PDE1A: variants seen among roughly 807,000 people sequenced by gnomAD.
PDE1A encodes the protein phosphodiesterase 1A.
PDE1A carries 35 observed loss-of-function variants against 61.7 expected under a neutral mutation model. The observed-to-expected ratio is 0.57, with a 90% confidence interval of 0.43 to 0.75. The LOEUF is 0.75. PDE1A is among the 30% of genes least tolerant of loss of function. The pLI is 0.00. For synonymous variants in PDE1A, 232 were observed against 213.2 expected, an observed-to-expected ratio of 1.09 and a Z score of -0.77; for missense variants, 597 against 630.6, an observed-to-expected ratio of 0.95 and a Z score of 0.57.
At chr2:182,351,107 A>G (rs1004493204) in intron 1 of PDE1A, among the ~76,000 whole-genome samples, 1 of 152,216 alleles carries the variant, frequency 6.6e-6, no homozygotes, top group Non-Finnish European at 1.5e-5. Context: ...ATTTGAAGAA[A>G]AATGCTTTTG....
At position 182,338,210 on chromosome 2, in the gene PDE1A, G is replaced by A. The variant is rs1697964119; in HGVS notation, c.54-73796C>T. On this transcript the variant is annotated intron_variant, in intron 1 of 13. Coordinates refer to ENST00000351439, the Ensembl canonical transcript of PDE1A. ...ATGCTGGAGCTGGCAGCACCTACAT[G>A]TGAACCCTGACTCTAACACCCAGTA... Among the ~76,000 whole-genome samples, 4 of 152,174 alleles carry A rather than the reference G, an allele frequency of 2.6e-5. No homozygotes were observed. The South Asian group carries it at 8.3e-4, about 31-fold the overall frequency.
chr2:182,375,405 A>G (rs1321703526), intron 1 of PDE1A, among the ~76,000 whole-genome samples: 1 of 152,200 alleles, frequency 6.6e-6, no homozygotes, highest in African/African-American at 2.4e-5. Flanking sequence ...AAATTGATGA[A>G]AATCTGAAAT....
At chr2:182,516,035 GTTC>G (rs1201164531) in intron 2 of PDE1A, among the ~76,000 whole-genome samples, 1 of 150,824 alleles carries the variant, frequency 6.6e-6, no homozygotes, top group East Asian at 1.9e-4. Flanking sequence ...ATGTTGATGT[GTTC>G]TTCTGGTATA....
intron 1 of PDE1A, among the ~76,000 whole-genome samples, chr2:182,300,170 A>G (rs1695148768): frequency 6.6e-6 from 1 of 152,140 alleles, no homozygotes; most frequent in African/African-American, 2.4e-5. Context: ...GTTCTGCCCC[A>G]TTTTGGACTA....
chr2:182,695,934 T>C, the PDE1A span, among the ~76,000 whole-genome samples: 1 of 152,174 alleles, frequency 6.6e-6, no homozygotes, highest in Non-Finnish European at 1.5e-5. Flanking sequence ...CCTATCAGAA[T>C]GGCCAAAATC....
intron 13 of PDE1A, among the ~76,000 whole-genome samples, chr2:182,172,772 A>G (rs1692351314): frequency 6.6e-6 from 1 of 152,098 alleles, no homozygotes; most frequent in Admixed American, 6.6e-5. Flanking sequence ...TTTAATAAGC[A>G]GAATGGAGGA....
At chr2:182,681,987 A>G in the PDE1A span, among the ~76,000 whole-genome samples, 1 of 152,182 alleles carries the variant, frequency 6.6e-6, no homozygotes, top group African/African-American at 2.4e-5. Flanking sequence ...TTCTCAACAC[A>G]GTTTGGTCTT....
chr2:182,679,550 T>C, the PDE1A span, among the ~76,000 whole-genome samples: 1 of 151,918 alleles, frequency 6.6e-6, no homozygotes, highest in Non-Finnish European at 1.5e-5. Flanking sequence ...TATTGAAACA[T>C]CACACTGTAC....
At chr2:182,327,539 C>A (rs1395396413) in intron 1 of PDE1A, among the ~76,000 whole-genome samples, 2 of 152,092 alleles carry the variant, frequency 1.3e-5, no homozygotes, top group African/African-American at 2.4e-5. Context: ...GATGGAGTGG[C>A]CAATGAGTGA....
intron 2 of PDE1A, 69 bp downstream of exon 2, chr2:182,264,232 G>A (rs1692437765): frequency 2.0e-6 from 2 of 982,402 alleles, no homozygotes; most frequent in African/African-American, 1.6e-5. Flanking sequence ...AGATAAAGGA[G>A]GGTCAAGAAA....
the PDE1A span, among the ~76,000 whole-genome samples, chr2:182,656,275 T>A: frequency 6.6e-6 from 1 of 152,178 alleles, no homozygotes; most frequent in African/African-American, 2.4e-5. Flanking sequence ...GATTTAGAAA[T>A]GAAGTATAGA....
intron 2 of PDE1A, among the ~76,000 whole-genome samples, chr2:182,258,747 T>A (rs1411538915): frequency 6.6e-6 from 1 of 152,212 alleles, no homozygotes; most frequent in African/African-American, 2.4e-5. Context: ...AGTCTAGACA[T>A]ATCTGGTTTG....
chr2:182,572,743 G>T, the PDE1A span, among the ~76,000 whole-genome samples: 2 of 151,956 alleles, frequency 1.3e-5, no homozygotes, highest in South Asian at 4.2e-4. Context: ...GGTGGTGGGC[G>T]CCTGTAGTCC....
the PDE1A span, among the ~76,000 whole-genome samples, chr2:182,617,115 G>C: frequency 6.6e-6 from 1 of 152,122 alleles, no homozygotes; most frequent in Non-Finnish European, 1.5e-5. Context: ...GTGTACCTTG[G>C]AATCTTGGAC....
chr2:182,540,672 T>C, the PDE1A span, among the ~76,000 whole-genome samples: 49 of 152,338 alleles, frequency 3.2e-4, 1 homozygote, highest in Middle Eastern at 0.01. Flanking sequence ...CAAAATTATA[T>C]ATGATCTTGA....
intron 2 of PDE1A, among the ~76,000 whole-genome samples, chr2:182,509,364 A>C (rs1375366031): frequency 6.6e-6 from 1 of 152,206 alleles, no homozygotes; most frequent in Non-Finnish European, 1.5e-5. Flanking sequence ...CCACATGATA[A>C]CTCCATTTGG....
chr2:182,404,751 T>C (rs1702207561), intron 1 of PDE1A, among the ~76,000 whole-genome samples: 1 of 152,208 alleles, frequency 6.6e-6, no homozygotes, highest in African/African-American at 2.4e-5. Context: ...CTCCATATCT[T>C]GTCCCCATGG....
At chr2:182,427,520 CT>C (rs781238949), upstream of PDE1A, among the ~76,000 whole-genome samples, 1 of 151,862 alleles carries the variant, frequency 6.6e-6, no homozygotes, top group Middle Eastern at 3.4e-3. Flanking sequence ...CATCCACATG[CT>C]TTTTTTTAAC....
the PDE1A span, among the ~76,000 whole-genome samples, chr2:182,645,883 A>G: frequency 6.6e-6 from 1 of 152,168 alleles, no homozygotes; most frequent in Admixed American, 6.5e-5. Context: ...ATTATTATTC[A>G]TGTTAAATGT....
Sources: allele counts gnomAD v4.1 joint callset (sites outside exome capture counted in the v4.1 genomes callset), GRCh38; gene constraint gnomAD v4.1.1; transcripts MANE v1.5; gene names NCBI Gene and HGNC (gene_info 2026-07-23, HGNC 2026-07-21).